Variants in ANKH observed in about 807,000 individuals in gnomAD.
ANKH encodes the protein mineralization regulator ANKH.
ANKH carries 15 observed loss-of-function variants against 49.0 expected under a neutral mutation model. That is an observed-to-expected ratio of 0.31 (90% CI 0.20 to 0.47). The LOEUF (loss-of-function observed/expected upper bound fraction) is 0.47. Ranked by LOEUF, ANKH falls within the 20% of genes least tolerant of loss-of-function variation. The probability of loss-of-function intolerance (pLI) is 1.00; values close to 1 mark genes in which losing one functional copy is unlikely to be tolerated. For synonymous variants in ANKH, 273 were observed against 260.0 expected (o/e 1.05, Z -0.48); for missense variants, 429 against 652.0 (o/e 0.66, Z 3.72).
At chr5:14,765,610 A>G (rs1344750729) in intron 2 of ANKH, among the ~76,000 whole-genome samples, 1 of 152,212 alleles carries the variant, frequency 6.6e-6, no homozygotes, top group Admixed American at 6.5e-5. Flanking sequence ...GGGTCAAGAA[A>G]AAAAAAAGAA....
At chr5:14,741,304 CAG>C (rs1738346090) in intron 8 of ANKH, 1 of 159,978 alleles carries the variant, frequency 6.3e-6, no homozygotes, top group African/African-American at 2.4e-5. Context: ...GCTGCTGACA[CAG>C]TGTCACACAC....
In ANKH at chr5:14,749,023, C is replaced by T. The variant is rs368029164; in HGVS notation, c.822+149G>A. 236 of 1,161,442 alleles carry T rather than the reference C, an allele frequency of 2.0e-4. 2 individuals carry two copies. The African/African-American group carries it at 2.1e-3, about 10-fold the overall frequency. The allele number at this position is 1,161,442 out of a possible 1,614,324, so 71.9% of individuals were successfully genotyped here. On this transcript the variant is annotated intron_variant, in intron 6 of 11. Coordinates refer to ENST00000284268, the MANE Select transcript of ANKH (RefSeq NM_054027.6). Reference sequence around the variant, plus strand: ...AATTACATGACTATAAGTCACCGAACGAGATCTTTATGGCTTCCTAGTGTG... The same window carrying T: ...AATTACATGACTATAAGTCACCGAATGAGATCTTTATGGCTTCCTAGTGTG...
chr5:14,835,340 T>C (rs116499005), intron 1 of ANKH, among the ~76,000 whole-genome samples: 2,478 of 152,252 alleles, frequency 0.016, 64 homozygotes, highest in African/African-American at 0.056. Context: ...GTCTGTTCCA[T>C]TGTAAAAGGA....
chr5:14,775,529 G>A (rs901240893), intron 1 of ANKH, among the ~76,000 whole-genome samples: 1 of 152,180 alleles, frequency 6.6e-6, no homozygotes, highest in African/African-American at 2.4e-5. Context: ...GGATAAGGGG[G>A]CCTACTATGT....
At chr5:14,739,709 A>AG in intron 8 of ANKH, among the ~76,000 whole-genome samples, 1 of 152,238 alleles carries the variant, frequency 6.6e-6, no homozygotes, top group Non-Finnish European at 1.5e-5. Flanking sequence ...CATGCCCTGA[A>AG]GGCTGGGCTG....
At chr5:14,774,204 A>C (rs1216630949) in intron 1 of ANKH, among the ~76,000 whole-genome samples, 1 of 152,022 alleles carries the variant, frequency 6.6e-6, no homozygotes, top group Non-Finnish European at 1.5e-5. Flanking sequence ...TCTGTCAATC[A>C]TTTTATGGAG....
chr5:14,861,794 G>C (rs1414029468), intron 1 of ANKH, among the ~76,000 whole-genome samples: 1 of 152,176 alleles, frequency 6.6e-6, no homozygotes, highest in African/African-American at 2.4e-5. Context: ...CCCCGAACTA[G>C]GGACAAAGCT....
intron 1 of ANKH, among the ~76,000 whole-genome samples, chr5:14,799,679 G>T (rs10064209): frequency 0.1 from 15,425 of 152,140 alleles, 859 homozygotes; most frequent in Admixed American, 0.11. Flanking sequence ...AATATTTTAA[G>T]CCCACTGCTG....
intron 1 of ANKH, among the ~76,000 whole-genome samples, chr5:14,856,329 A>G (rs549455622): frequency 6.5e-4 from 99 of 152,268 alleles, no homozygotes; most frequent in African/African-American, 2.2e-3. Flanking sequence ...ACTATCATAC[A>G]TACATGCACC....
intron 8 of ANKH, among the ~76,000 whole-genome samples, chr5:14,739,767 G>T (rs1738296451): frequency 6.6e-6 from 1 of 152,150 alleles, no homozygotes; most frequent in African/African-American, 2.4e-5. Flanking sequence ...TGTCCGGTGT[G>T]AATCATTTCC....
intron 1 of ANKH, among the ~76,000 whole-genome samples, chr5:14,834,502 C>T (rs905108828): frequency 2.0e-5 from 3 of 152,128 alleles, no homozygotes; most frequent in South Asian, 2.1e-4. Context: ...AAGATCTGGC[C>T]GGGCGCAGTG....
chr5:14,728,566 CAA>C (rs1373005385), intron 8 of ANKH, among the ~76,000 whole-genome samples: 1 of 152,214 alleles, frequency 6.6e-6, no homozygotes, highest in Non-Finnish European at 1.5e-5. Flanking sequence ...AACAAAGCCT[CAA>C]ACAGGCCGTC....
At chr5:14,853,842 G>A in intron 1 of ANKH, among the ~76,000 whole-genome samples, 1 of 152,074 alleles carries the variant, frequency 6.6e-6, no homozygotes. Context: ...AGCCCTCTAA[G>A]GTGAGTCTAC....
intron 1 of ANKH, among the ~76,000 whole-genome samples, chr5:14,821,497 T>C (rs1741195630): frequency 6.6e-6 from 1 of 152,220 alleles, no homozygotes; most frequent in East Asian, 1.9e-4. Context: ...CATGTTCCGG[T>C]TATGAATTAA....
intron 8 of ANKH, among the ~76,000 whole-genome samples, chr5:14,724,827 G>C (rs1213841709): frequency 1.3e-5 from 2 of 152,172 alleles, no homozygotes; most frequent in Admixed American, 6.5e-5. Flanking sequence ...ACCACCCTAT[G>C]AGGGCACTGC....
At chr5:14,829,522 A>C (rs1178802058) in intron 1 of ANKH, among the ~76,000 whole-genome samples, 2 of 152,216 alleles carry the variant, frequency 1.3e-5, no homozygotes. Flanking sequence ...TTACTTTATA[A>C]ATAAACTACC....
At chr5:14,762,382 C>A (rs920490257) in intron 2 of ANKH, among the ~76,000 whole-genome samples, 2 of 152,216 alleles carry the variant, frequency 1.3e-5, no homozygotes, top group African/African-American at 2.4e-5. Context: ...GTCCCCAACT[C>A]TTGCCTCCTT....
chr5:14,864,013 G>C (rs2921601), intron 1 of ANKH, among the ~76,000 whole-genome samples: 1 of 152,066 alleles, frequency 6.6e-6, no homozygotes, highest in Non-Finnish European at 1.5e-5. Context: ...CCAGGAGTTC[G>C]AGACCAGCTT....
chr5:14,823,826 C>T (rs997239603), intron 1 of ANKH, among the ~76,000 whole-genome samples: 2 of 152,134 alleles, frequency 1.3e-5, no homozygotes, highest in African/African-American at 4.8e-5. Context: ...GCTTGGAAGG[C>T]TGAGGCAGGA....
Sources: allele counts gnomAD v4.1 joint callset (sites outside exome capture counted in the v4.1 genomes callset), GRCh38; gene constraint gnomAD v4.1.1; transcripts MANE v1.5; gene names NCBI Gene and HGNC (gene_info 2026-07-23, HGNC 2026-07-21).